CHRM3: variants seen among roughly 807,000 people sequenced by gnomAD.
CHRM3 encodes the protein cholinergic receptor muscarinic 3.
A neutral mutation model predicts 41.8 loss-of-function variants in CHRM3; 11 were observed. The ratio of observed to expected loss-of-function variants is 0.26; its 90% CI spans 0.17 to 0.44. The LOEUF is 0.44. Among genes scored for constraint, CHRM3 ranks in the 20% least tolerant of loss-of-function variants. The probability of loss-of-function intolerance (pLI) is 1.00; values close to 1 mark genes in which losing one functional copy is unlikely to be tolerated. For synonymous variants in CHRM3, 297 were observed against 301.4 expected, an observed-to-expected ratio of 0.99 and a Z score of 0.15; for missense variants, 571 against 745.4, an observed-to-expected ratio of 0.77 and a Z score of 2.72.
At chr1:239,794,939 T>C (rs1429860556) in intron 5 of CHRM3, among the ~76,000 whole-genome samples, 2 of 152,166 alleles carry the variant, frequency 1.3e-5, no homozygotes, top group Non-Finnish European at 2.9e-5. Context: ...TCTGTAAATA[T>C]CTGATATTGG....
At chr1:239,562,473 G>A (rs1660949145) in intron 3 of CHRM3, among the ~76,000 whole-genome samples, 1 of 151,982 alleles carries the variant, frequency 6.6e-6, no homozygotes, top group Admixed American at 6.6e-5. Context: ...AAAAATAAAA[G>A]GATTGTCTCT....
intron 5 of CHRM3, among the ~76,000 whole-genome samples, chr1:239,764,101 T>C (rs1173229005): frequency 6.7e-6 from 1 of 148,886 alleles, no homozygotes; most frequent in Non-Finnish European, 1.5e-5. Flanking sequence ...AAAAAAAAAA[T>C]CCTCAGGGGC....
rs188957060 is a variant in CHRM3, at chr1:239,501,307, A to G, written c.-422+8500A>G. On this transcript the variant is annotated intron_variant, in intron 2 of 6. Coordinates refer to ENST00000676153, the MANE Select transcript of CHRM3 (RefSeq NM_001375978.1). ...CAGATACATACAGAACATTTTATCCAACGACTGCAGAATACACATTCTGTT... is the reference window on the plus strand; with the variant it reads ...CAGATACATACAGAACATTTTATCCGACGACTGCAGAATACACATTCTGTT... Among the ~76,000 whole-genome samples, 967 of 152,344 alleles carry G rather than the reference A, an allele frequency of 6.3e-3. 5 individuals carry two copies. The highest frequency in any genetic ancestry group is 9.9e-3 in the South Asian group (48 of 4,830).
At chr1:239,691,446 A>C (rs370257506) in intron 5 of CHRM3, among the ~76,000 whole-genome samples, 186 of 152,312 alleles carry the variant, frequency 1.2e-3, no homozygotes, top group African/African-American at 4.2e-3. Flanking sequence ...TTTAAAGGTC[A>C]GAAGCTACAA....
At chr1:239,693,462 G>T (rs978949436) in intron 5 of CHRM3, among the ~76,000 whole-genome samples, 4 of 152,054 alleles carry the variant, frequency 2.6e-5, no homozygotes, top group African/African-American at 9.7e-5. Context: ...CTGAAATCTT[G>T]GTCTTGAACT....
intron 5 of CHRM3, among the ~76,000 whole-genome samples, chr1:239,722,844 T>C (rs1226645548): frequency 1.3e-5 from 2 of 151,938 alleles, no homozygotes; most frequent in African/African-American, 4.8e-5. Context: ...CTTATTTTTT[T>C]CATTGTTAAC....
chr1:239,607,322 A>G (rs998738717), intron 3 of CHRM3, among the ~76,000 whole-genome samples: 4 of 152,174 alleles, frequency 2.6e-5, no homozygotes, highest in South Asian at 2.1e-4. Context: ...AAAGCCTAGC[A>G]TATGGCAACT....
chr1:239,670,118 T>C (rs941177731), intron 4 of CHRM3, among the ~76,000 whole-genome samples: 2 of 152,232 alleles, frequency 1.3e-5, no homozygotes, highest in African/African-American at 4.8e-5. Flanking sequence ...TAACAAGCGC[T>C]CATCTTTAGT....
chr1:239,618,277 CTT>C (rs61094722), intron 3 of CHRM3, among the ~76,000 whole-genome samples: 23 of 120,648 alleles, frequency 1.9e-4, no homozygotes, highest in Admixed American at 3.9e-4. Context: ...TTTTTTCTTT[CTT>C]TTTTTTTTTT....
intron 6 of CHRM3, among the ~76,000 whole-genome samples, chr1:239,859,413 G>GTTTTTTTTTTTTTTTTT (rs1331316835): frequency 8.8e-6 from 1 of 113,262 alleles, no homozygotes; most frequent in Non-Finnish European, 1.8e-5. Context: ...TGTTGTTGTT[G>GTTTTTTTTTTTTTTTTT]TTGTTGTTTT....
At chr1:239,751,430 G>A (rs934717687) in intron 5 of CHRM3, among the ~76,000 whole-genome samples, 4 of 152,042 alleles carry the variant, frequency 2.6e-5, no homozygotes, top group African/African-American at 9.7e-5. Flanking sequence ...CAACCACCCA[G>A]GACATTTCTA....
chr1:239,575,228 C>A (rs745668492), intron 3 of CHRM3, among the ~76,000 whole-genome samples: 4 of 152,048 alleles, frequency 2.6e-5, no homozygotes, highest in Non-Finnish European at 5.9e-5. Flanking sequence ...AGAACCTCTA[C>A]GTATTAGCAC....
chr1:239,780,928 A>G (rs927166626), intron 5 of CHRM3, among the ~76,000 whole-genome samples: 1 of 151,818 alleles, frequency 6.6e-6, no homozygotes, highest in African/African-American at 2.4e-5. Flanking sequence ...GGTTCACTAT[A>G]TTCATGTGGG....
At chr1:239,810,117 G>T (rs189420102) in intron 5 of CHRM3, among the ~76,000 whole-genome samples, 1 of 152,270 alleles carries the variant, frequency 6.6e-6, no homozygotes, top group African/African-American at 2.4e-5. Context: ...AAGCTTGGGG[G>T]ACAGAAGCTG....
chr1:239,906,808 T>C (rs1680001419), intron 6 of CHRM3, among the ~76,000 whole-genome samples: 1 of 152,208 alleles, frequency 6.6e-6, no homozygotes, highest in African/African-American at 2.4e-5. Flanking sequence ...AAGTAGAAGA[T>C]AGCTTTCCAG....
intron 5 of CHRM3, among the ~76,000 whole-genome samples, chr1:239,727,252 A>G (rs1004544347): frequency 6.6e-6 from 1 of 151,838 alleles, no homozygotes; most frequent in African/African-American, 2.4e-5. Context: ...GAAGGTTTTC[A>G]TTTTCTATTT....
chr1:239,556,742 C>A (rs2148470038), intron 3 of CHRM3, among the ~76,000 whole-genome samples: 2 of 152,098 alleles, frequency 1.3e-5, no homozygotes, highest in South Asian at 4.1e-4. Context: ...AAATAAGTTG[C>A]AAGACAGAAA....
intron 6 of CHRM3, among the ~76,000 whole-genome samples, chr1:239,840,895 C>T (rs1673742878): frequency 6.6e-6 from 1 of 152,144 alleles, no homozygotes; most frequent in African/African-American, 2.4e-5. Context: ...GATTAATATT[C>T]ATTGCCAGCA....
At chr1:239,811,978 A>G (rs1244165629) in intron 5 of CHRM3, among the ~76,000 whole-genome samples, 1 of 152,238 alleles carries the variant, frequency 6.6e-6, no homozygotes, top group East Asian at 1.9e-4. Context: ...TGTTTAATTC[A>G]TATCGATTTA....
Sources: allele counts gnomAD v4.1 joint callset (sites outside exome capture counted in the v4.1 genomes callset), GRCh38; gene constraint gnomAD v4.1.1; transcripts MANE v1.5; gene names NCBI Gene and HGNC (gene_info 2026-07-23, HGNC 2026-07-21).